Variants in FHIT observed in about 807,000 individuals in gnomAD.
The protein encoded by FHIT is bis(5'-adenosyl)-triphosphatase.
Under a neutral mutation model 17.9 loss-of-function variants are expected in FHIT, and 19 were observed. The observed-to-expected ratio is 1.06, with a 90% confidence interval of 0.74 to 1.56. The LOEUF is 1.56. FHIT is among the 40% of genes most tolerant of loss of function. The pLI is 0.00. For missense variants in FHIT, 248 were observed against 189.2 expected, an observed-to-expected ratio of 1.31 and a Z score of -1.82; for synonymous variants, 81 against 69.7, an observed-to-expected ratio of 1.16 and a Z score of -0.81.
intron 5 of FHIT, among the ~76,000 whole-genome samples, chr3:60,479,932 A>C (rs527857807): frequency 6.6e-6 from 1 of 152,340 alleles, no homozygotes; most frequent in East Asian, 1.9e-4. Context: ...CTACTGACGT[A>C]AAGTACATAA....
intron 4 of FHIT, among the ~76,000 whole-genome samples, chr3:60,632,514 C>T (rs559013903): frequency 1.3e-5 from 2 of 152,186 alleles, no homozygotes; most frequent in East Asian, 1.9e-4. Flanking sequence ...TGACAGTTTC[C>T]GCAGGGACGT....
chr3:61,250,900 C>T (rs1576297673), intron 1 of FHIT, among the ~76,000 whole-genome samples: 1 of 152,192 alleles, frequency 6.6e-6, no homozygotes, highest in East Asian at 1.9e-4. Context: ...TAGGGGAATC[C>T]AGAGCTGCGT....
At chr3:60,810,843 T>C (rs528725862) in intron 4 of FHIT, among the ~76,000 whole-genome samples, 109 of 152,342 alleles carry the variant, frequency 7.2e-4, no homozygotes, top group Non-Finnish European at 1.5e-3. Context: ...GTGCTGGTTC[T>C]TCATGCAGAT....
At chr3:60,851,774 A>C (rs996580015) in intron 3 of FHIT, among the ~76,000 whole-genome samples, 2 of 152,146 alleles carry the variant, frequency 1.3e-5, no homozygotes, top group Non-Finnish European at 2.9e-5. Flanking sequence ...TCCCTCAAGA[A>C]TTGCCTTACA....
intron 7 of FHIT, among the ~76,000 whole-genome samples, chr3:59,964,146 A>T (rs752465633): frequency 6.6e-6 from 1 of 152,206 alleles, no homozygotes; most frequent in Non-Finnish European, 1.5e-5. Context: ...TAATAACTTT[A>T]AATTTTTGGT....
chr3:60,606,443 G>A (rs1442727608), intron 4 of FHIT, among the ~76,000 whole-genome samples: 3 of 152,020 alleles, frequency 2.0e-5, no homozygotes, highest in Middle Eastern at 3.2e-3. Context: ...GTTTCACCAT[G>A]TTACCCAGGC....
At chr3:60,037,054 A>T (rs1487306890) in intron 5 of FHIT, among the ~76,000 whole-genome samples, 1 of 152,224 alleles carries the variant, frequency 6.6e-6, no homozygotes, top group African/African-American at 2.4e-5. Context: ...AGTTCTGGGG[A>T]ACATCGTAGA....
chr3:60,635,967 T>C (rs1553683738), intron 4 of FHIT, among the ~76,000 whole-genome samples: 1 of 152,150 alleles, frequency 6.6e-6, no homozygotes, highest in African/African-American at 2.4e-5. Flanking sequence ...TGGTCTTAGT[T>C]TGTCAACCCC....
chr3:59,964,722 A>T (rs1208171231), intron 7 of FHIT, among the ~76,000 whole-genome samples: 1 of 152,174 alleles, frequency 6.6e-6, no homozygotes, highest in East Asian at 1.9e-4. Flanking sequence ...GTATTTATAA[A>T]ATTAATTTCA....
chr3:59,829,460 T>C (rs1466493479), intron 8 of FHIT, among the ~76,000 whole-genome samples: 1 of 152,164 alleles, frequency 6.6e-6, no homozygotes, highest in Admixed American at 6.6e-5. Flanking sequence ...AGAAAACATG[T>C]AAATCTCAGC....
chr3:60,161,164 T>C (rs1700921883), intron 5 of FHIT, among the ~76,000 whole-genome samples: 1 of 152,224 alleles, frequency 6.6e-6, no homozygotes. Flanking sequence ...TCTCTATTTT[T>C]ATCTGCCCAT....
chr3:59,899,317 A>G (rs577386602), intron 8 of FHIT, among the ~76,000 whole-genome samples: 1 of 152,334 alleles, frequency 6.6e-6, no homozygotes, highest in African/African-American at 2.4e-5. Flanking sequence ...GAATGGCTGG[A>G]CAAAGGCTGA....
At chr3:60,558,872 G>A (rs1323190182) in intron 4 of FHIT, among the ~76,000 whole-genome samples, 1 of 152,116 alleles carries the variant, frequency 6.6e-6, no homozygotes, top group African/African-American at 2.4e-5. Context: ...AATGACCCAG[G>A]GAAACTTTTC....
chr3:60,058,208 G>A (rs1442907070), intron 5 of FHIT, among the ~76,000 whole-genome samples: 1 of 125,652 alleles, frequency 8.0e-6, no homozygotes, highest in East Asian at 2.5e-4. Context: ...GGCTCGACTC[G>A]ATCTCGGCTC....
At chr3:59,915,261 C>T (rs1388546261) in intron 8 of FHIT, among the ~76,000 whole-genome samples, 4 of 152,116 alleles carry the variant, frequency 2.6e-5, no homozygotes, top group Admixed American at 2.6e-4. Context: ...AAGCCTGATT[C>T]GTGAAATAAT....
At chr3:61,039,715 T>A (rs929304282) in intron 3 of FHIT, among the ~76,000 whole-genome samples, 1 of 151,472 alleles carries the variant, frequency 6.6e-6, no homozygotes, top group Non-Finnish European at 1.5e-5. Context: ...GGGGTAGGAG[T>A]CTGCGGGGGT....
intron 8 of FHIT, among the ~76,000 whole-genome samples, chr3:59,805,889 G>C (rs1246428208): frequency 6.6e-6 from 1 of 152,110 alleles, no homozygotes; most frequent in African/African-American, 2.4e-5. Flanking sequence ...GACTTTTAAA[G>C]ATCATGGGGA....
intron 5 of FHIT, among the ~76,000 whole-genome samples, chr3:60,236,477 A>C (rs796459941): frequency 6.6e-6 from 1 of 152,046 alleles, no homozygotes; most frequent in East Asian, 1.9e-4. Flanking sequence ...GAATTTTTCT[A>C]TTCTCTTTTC....
intron 8 of FHIT, among the ~76,000 whole-genome samples, chr3:59,887,230 T>C (rs761086160): frequency 4.6e-5 from 7 of 152,170 alleles, no homozygotes; most frequent in Non-Finnish European, 8.8e-5. Flanking sequence ...TATCTCATAT[T>C]AAAAACGAAC....
Sources: allele counts gnomAD v4.1 joint callset (sites outside exome capture counted in the v4.1 genomes callset), GRCh38; gene constraint gnomAD v4.1.1; transcripts MANE v1.5; gene names NCBI Gene and HGNC (gene_info 2026-07-23, HGNC 2026-07-21).